DDX60L: variants seen among roughly 807,000 people sequenced by gnomAD.
DDX60L encodes probable ATP-dependent RNA helicase DDX60-like.
DDX60L carries 191 observed loss-of-function variants against 211.6 expected under a neutral mutation model. That is an observed-to-expected ratio of 0.90 (90% CI 0.80 to 1.02). The LOEUF (loss-of-function observed/expected upper bound fraction) is 1.02, where lower values mean the gene tolerates loss of function less well. Ranked by LOEUF, DDX60L falls within the 50% of genes least tolerant of loss-of-function variation. DDX60L has a pLI of 0.00. For synonymous variants in DDX60L, 706 were observed against 694.1 expected (o/e 1.02, Z -0.27); for missense variants, 2,007 against 1,984.1 (o/e 1.01, Z -0.22).
At chr4:168,426,639 G>A (rs1351869751) in intron 14 of DDX60L, among the ~76,000 whole-genome samples, 1 of 152,150 alleles carries the variant, frequency 6.6e-6, no homozygotes, top group East Asian at 1.9e-4. Flanking sequence ...ACCTGTCAAT[G>A]CTTCTGCTGG....
intron 6 of DDX60L, among the ~76,000 whole-genome samples, chr4:168,456,678 C>T (rs1379768488): frequency 6.6e-6 from 1 of 151,960 alleles, no homozygotes; most frequent in Non-Finnish European, 1.5e-5. Context: ...TATGTTGATG[C>T]CTTATGATCC....
At chr4:168,448,952 T>C (rs929185963) in intron 8 of DDX60L, among the ~76,000 whole-genome samples, 173 bp from the exon 9 acceptor site, 6 of 152,206 alleles carry the variant, frequency 3.9e-5, no homozygotes, top group Non-Finnish European at 8.8e-5. Flanking sequence ...AATGCTTTCA[T>C]ATCTTTACTT....
chr4:168,382,392 T>C (rs952553937), intron 30 of DDX60L, among the ~76,000 whole-genome samples: 6 of 152,180 alleles, frequency 3.9e-5, no homozygotes, highest in Admixed American at 3.3e-4. Context: ...TTGGCTAAGA[T>C]CAAGTGAGTA....
At position 168,453,284 on chromosome 4, in the gene DDX60L, T is replaced by C. The variant is rs752305900; in HGVS notation, c.838-2A>G. 6.2e-6 allele frequency: 10 copies of C among 1,607,688 alleles called. No homozygotes were observed. The highest frequency in any genetic ancestry group is 7.6e-6 in the Non-Finnish European group (9 of 1,177,252). ...CAGGGATAGGCAATTACTGTGCACC[T>C]GCGTACAATAAAGAAGATGAGAACA... On this transcript the variant is annotated splice_acceptor_variant, in intron 7 of 37. Transcript: ENST00000682922. LOFTEE classifies it high-confidence loss of function.
intron 4 of DDX60L, among the ~76,000 whole-genome samples, chr4:168,463,904 T>C (rs1373234850): frequency 6.6e-6 from 1 of 152,198 alleles, no homozygotes; most frequent in Non-Finnish European, 1.5e-5. Flanking sequence ...TTAAAAACCA[T>C]AGTATAATAC....
chr4:168,403,790 T>G (rs535632617), intron 25 of DDX60L, among the ~76,000 whole-genome samples, 192 bp downstream of exon 25: 15 of 152,112 alleles, frequency 9.9e-5, no homozygotes, highest in African/African-American at 3.4e-4. Context: ...GATGAAAAAT[T>G]TTATAAGGAT....
chr4:168,462,093 T>C, intron 4 of DDX60L, 53 bp from the exon 5 acceptor site: 1 of 1,290,612 alleles, frequency 7.7e-7, no homozygotes, highest in Non-Finnish European at 1.1e-6. Flanking sequence ...CCTTTACTTA[T>C]TTGTTAATTT....
At chr4:168,361,431 A>G in intron 36 of DDX60L, 1 of 416,806 alleles carries the variant, frequency 2.4e-6, no homozygotes, top group Non-Finnish European at 4.3e-6. Flanking sequence ...TCAAAGGGGG[A>G]GGGTGAAATA....
intron 19 of DDX60L, 52 bp downstream of exon 19, chr4:168,419,250 A>G: frequency 7.9e-7 from 1 of 1,258,828 alleles, no homozygotes; most frequent in East Asian, 2.6e-5. Context: ...ATTACAAATT[A>G]TAGGGTGTAT....
intron 26 of DDX60L, among the ~76,000 whole-genome samples, chr4:168,400,606 C>T (rs1746624787): frequency 6.6e-6 from 1 of 152,116 alleles, no homozygotes; most frequent in Non-Finnish European, 1.5e-5. Flanking sequence ...GGCTTACAGG[C>T]TGTAGTCCCA....
chr4:168,438,065 G>A (rs533159059), intron 10 of DDX60L, among the ~76,000 whole-genome samples: 2 of 152,154 alleles, frequency 1.3e-5, no homozygotes, highest in South Asian at 4.2e-4. Flanking sequence ...AGTAAAGATG[G>A]GGTTTTACTG....
chr4:168,424,030 A>G (rs189404217), intron 14 of DDX60L, among the ~76,000 whole-genome samples: 30 of 152,346 alleles, frequency 2.0e-4, no homozygotes, highest in African/African-American at 7.0e-4. Flanking sequence ...AAGAAAAGAA[A>G]CAAACTTTGT....
At chr4:168,463,466 A>T (rs1757585278) in intron 4 of DDX60L, among the ~76,000 whole-genome samples, 1 of 152,122 alleles carries the variant, frequency 6.6e-6, no homozygotes, top group Non-Finnish European at 1.5e-5. Flanking sequence ...GAGGTGGGAG[A>T]GTATCAGGAA....
In DDX60L at chr4:168,422,671, C is replaced by T. The variant is rs777775763; in HGVS notation, c.2098-1G>A. 2.6e-6 allele frequency: 4 copies of T among 1,565,214 alleles called. No homozygotes were observed. Among genetic ancestry groups the T allele is most frequent in the African/African-American group, 2.7e-5 (2 of 73,078 alleles). ...TCTTCTTATTTTTGTCATCTCCTAT[C>T]TGTTATTTTAATATATTATTTGAAA... On this transcript the variant is annotated splice_acceptor_variant, in intron 15 of 37. Coordinates refer to ENST00000682922, the MANE Select transcript of DDX60L (RefSeq NM_001012967.3). LOFTEE classifies it high-confidence loss of function.
chr4:168,442,001 C>CATATTCTGT (rs1202765517), intron 9 of DDX60L, among the ~76,000 whole-genome samples: 3 of 151,984 alleles, frequency 2.0e-5, no homozygotes, highest in Non-Finnish European at 4.4e-5. Flanking sequence ...GGGGAGGAGC[C>CATATTCTGT]AAGATGGCCG....
chr4:168,379,994 A>C (rs569723822), intron 30 of DDX60L, 164 bp from the exon 31 acceptor site: 1 of 504,048 alleles, frequency 2.0e-6, no homozygotes, highest in Non-Finnish European at 3.5e-6. Context: ...GTATCTTCAC[A>C]TGGCACATGC....
chr4:168,372,229 C>T (rs1741155681), intron 35 of DDX60L, among the ~76,000 whole-genome samples: 1 of 151,964 alleles, frequency 6.6e-6, no homozygotes, highest in African/African-American at 2.4e-5. Context: ...ACAGCACAAA[C>T]CTCTGGGCTC....
At chr4:168,365,758 C>G (rs1190338212) in intron 36 of DDX60L, among the ~76,000 whole-genome samples, 1 of 151,972 alleles carries the variant, frequency 6.6e-6, no homozygotes, top group African/African-American at 2.4e-5. Flanking sequence ...CTGATAAACA[C>G]AAATCCAAAA....
chr4:168,438,837 A>G (rs1372329129), intron 10 of DDX60L, among the ~76,000 whole-genome samples: 1 of 152,232 alleles, frequency 6.6e-6, no homozygotes, highest in African/African-American at 2.4e-5. Context: ...TGAGGACTCT[A>G]ATAGTTAGGG....
Sources: allele counts gnomAD v4.1 joint callset (sites outside exome capture counted in the v4.1 genomes callset), GRCh38; gene constraint gnomAD v4.1.1; transcripts MANE v1.5; gene names NCBI Gene and HGNC (gene_info 2026-07-23, HGNC 2026-07-21).